HERC1: variants seen among roughly 807,000 people sequenced by gnomAD.
HERC1 encodes the protein probable E3 ubiquitin-protein ligase HERC1.
In HERC1, 160 loss-of-function variants were observed where a neutral mutation model predicts 554.3. The observed-to-expected ratio is 0.29, with a 90% CI of 0.25 to 0.33. The LOEUF is 0.33. Among genes scored for constraint, HERC1 ranks in the 10% least tolerant of loss-of-function variants. HERC1 has a pLI of 1.00. For synonymous variants in HERC1, 2,175 were observed against 2,131.7 expected (o/e 1.02, Z -0.56); for missense variants, 4,919 against 5,918.5 (o/e 0.83, Z 5.54).
chr15:63,743,337 C>T (rs1302226112), intron 12 of HERC1, among the ~76,000 whole-genome samples: 1 of 144,788 alleles, frequency 6.9e-6, no homozygotes, highest in Admixed American at 7.2e-5. Flanking sequence ...TCTGGGCTCA[C>T]TGAAACCTCC....
intron 12 of HERC1, among the ~76,000 whole-genome samples, chr15:63,746,160 T>C (rs528007855): frequency 1.3e-5 from 2 of 152,152 alleles, no homozygotes; most frequent in East Asian, 3.9e-4. Context: ...TATAGATGTT[T>C]ATAAGCTATA....
chr15:63,696,765 C>A (rs190906212), intron 26 of HERC1, among the ~76,000 whole-genome samples: 29 of 152,104 alleles, frequency 1.9e-4, no homozygotes, highest in Non-Finnish European at 2.9e-5. Context: ...TAAGGTAGTA[C>A]TGCTACTGCT....
At chr15:63,685,653 T>C (rs900848008) in intron 34 of HERC1, among the ~76,000 whole-genome samples, 1 of 152,238 alleles carries the variant, frequency 6.6e-6, no homozygotes, top group Non-Finnish European at 1.5e-5. Flanking sequence ...TCAATATTAC[T>C]GGCCAATCTT....
intron 61 of HERC1, among the ~76,000 whole-genome samples, chr15:63,639,919 G>C (rs1407847732): frequency 6.6e-6 from 1 of 152,206 alleles, no homozygotes; most frequent in Non-Finnish European, 1.5e-5. Flanking sequence ...CTATGTCATT[G>C]AGAGGTGGCA....
chr15:63,663,159 C>G lies in HERC1; in HGVS notation c.8726G>C (p.Arg2909Thr). ...SVQAHRNQSRREGISLQQDPG... is the reference protein window; with the variant it reads ...SVQAHRNQSRTEGISLQQDPG... Reference sequence around the variant, plus strand: ...GTCTTGCTGCAAAGATATTCCTTCTCTCCGACTTTGATTCCTGTGGGCCTG... The same window carrying G: ...GTCTTGCTGCAAAGATATTCCTTCTGTCCGACTTTGATTCCTGTGGGCCTG... The change falls in exon 44 of 78, where the codon AGA becomes ACA. Residue 2909 changes from arginine (R) to threonine (T), a missense_variant. Physicochemically the swap from Arg to Thr is moderately conservative, Grantham distance 71. Transcript: ENST00000443617. 6.2e-7 allele frequency: 1 copy of G among 1,614,034 alleles called. No individual in the cohort carries two copies. Among genetic ancestry groups the G allele is most frequent in the Non-Finnish European group, 8.5e-7 (1 of 1,179,886 alleles).
At chr15:63,781,375 T>C (rs2076284269) in intron 1 of HERC1, among the ~76,000 whole-genome samples, 2 of 152,236 alleles carry the variant, frequency 1.3e-5, no homozygotes, top group African/African-American at 4.8e-5. Flanking sequence ...CGTGTTCACT[T>C]CATGTATCTG....
intron 1 of HERC1, among the ~76,000 whole-genome samples, chr15:63,813,137 C>G (rs2077382983): frequency 6.6e-6 from 1 of 152,130 alleles, no homozygotes. Flanking sequence ...TCTGCTTGGG[C>G]AGAGAGAATG....
Position 63,656,313 on chromosome 15 carries a change from T to C in HERC1, c.9645A>G (p.Leu3215=). ...SLAAGLESLG[L]TDIRTLVRLM... ...ATCGAACTAGCGTTCGGATATCTGT[T>C]AGCCCCAGAGACTCAAGACCAGCAG... The change falls in exon 49 of 78, where the codon CTA becomes CTG. Residue 3215 remains leucine, a synonymous_variant. Coordinates refer to ENST00000443617, the MANE Select transcript of HERC1 (RefSeq NM_003922.4). The C allele has an allele frequency of 6.2e-7, 1 of 1,613,744 alleles. No homozygotes were observed.
chr15:63,726,633 T>A (rs958231150), intron 17 of HERC1, among the ~76,000 whole-genome samples: 1 of 152,110 alleles, frequency 6.6e-6, no homozygotes, highest in Admixed American at 6.5e-5. Flanking sequence ...CAAAATGGAC[T>A]TAAGAAGAAA....
intron 21 of HERC1, 48 bp from the exon 22 acceptor site, chr15:63,716,521 C>A: frequency 2.1e-6 from 3 of 1,413,550 alleles, no homozygotes; most frequent in African/African-American, 1.5e-5. Context: ...TTTCCAAAAT[C>A]TTTTTAAAAC....
intron 59 of HERC1, among the ~76,000 whole-genome samples, chr15:63,642,123 A>G (rs1000235188): frequency 6.6e-6 from 1 of 152,206 alleles, no homozygotes; most frequent in Admixed American, 6.5e-5. Context: ...ACATCATTTA[A>G]CCATATAAAA....
intron 14 of HERC1, among the ~76,000 whole-genome samples, chr15:63,731,426 T>C (rs920303540): frequency 6.6e-6 from 1 of 152,212 alleles, no homozygotes; most frequent in Non-Finnish European, 1.5e-5. Context: ...TTCCATATAA[T>C]ATATAAATCT....
rs756332339 is a variant in HERC1 at position 63,677,805 on chromosome 15, A to G, written c.7070+40T>C. ...ACAGGCAATGGCCTATTTCACCATT[A>G]AATATTTGTTTGCTAAAAGTGTAAC... On this transcript the variant is annotated intron_variant, in intron 37 of 77. Coordinates refer to ENST00000443617, the MANE Select transcript of HERC1 (RefSeq NM_003922.4). The surrounding 1 kb of genome is among the most constrained non-coding windows in gnomAD (Gnocchi z 4.4). The G allele has an allele frequency of 6.3e-7, 1 of 1,576,240 alleles. No homozygotes were observed. Among genetic ancestry groups the G allele is most frequent in the Non-Finnish European group, 8.6e-7 (1 of 1,158,474 alleles).
At chr15:63,714,438 G>C (rs2073444027) in intron 22 of HERC1, among the ~76,000 whole-genome samples, 1 of 151,922 alleles carries the variant, frequency 6.6e-6, no homozygotes, top group African/African-American at 2.4e-5. Flanking sequence ...CTTTCCATCA[G>C]TGGAGTTAAC....
At chr15:63,610,391 C>A (rs989556702) in intron 77 of HERC1, among the ~76,000 whole-genome samples, 3 of 152,258 alleles carry the variant, frequency 2.0e-5, no homozygotes, top group African/African-American at 7.2e-5. Context: ...ACAGAGGAAC[C>A]GACCACGGTA....
intron 1 of HERC1, among the ~76,000 whole-genome samples, chr15:63,816,100 T>TA: frequency 6.6e-6 from 1 of 151,874 alleles, no homozygotes; most frequent in Admixed American, 6.6e-5. Context: ...ACCATATACC[T>TA]AACATTTCCC....
At chr15:63,648,270 C>A in intron 54 of HERC1, 71 bp from the exon 55 acceptor site, 2 of 1,421,150 alleles carry the variant, frequency 1.4e-6, no homozygotes, top group South Asian at 1.3e-5. Flanking sequence ...AAGACAGAGA[C>A]TTTGAAACAA....
intron 70 of HERC1, 46 bp from the exon 71 acceptor site, chr15:63,626,200 T>C (rs747559050): frequency 1.9e-6 from 3 of 1,581,416 alleles, no homozygotes; most frequent in Non-Finnish European, 2.6e-6. Context: ...CAGCATTGCT[T>C]TCACTTTTCA....
chr15:63,760,023 G>T (rs543880970), intron 3 of HERC1, among the ~76,000 whole-genome samples: 1 of 152,302 alleles, frequency 6.6e-6, no homozygotes, highest in Admixed American at 6.5e-5. Flanking sequence ...ATCACAGCCA[G>T]TGTGGTGGCT....
Sources: gnomAD v4.1 joint callset for allele counts (sites outside exome capture counted in the v4.1 genomes callset) on GRCh38, gnomAD v4.1.1 for gene constraint, Gnocchi (gnomAD v3.1) non-coding constraint, MANE v1.5 for transcripts, NCBI Gene and HGNC (gene_info 2026-07-23, HGNC 2026-07-21) for gene names.